The following FYB1 variants were observed in gnomAD, a reference collection of about 807,000 sequenced individuals.
FYB1 encodes the protein FYN binding protein 1, also known as FYN-binding protein 1.
FYB1 carries 41 observed loss-of-function variants against 94.1 expected under a neutral mutation model. The observed-to-expected ratio is 0.44, with a 90% confidence interval of 0.34 to 0.57. FYB1 has a LOEUF of 0.57. Among genes scored for constraint, FYB1 ranks in the 20% least tolerant of loss-of-function variants. FYB1 has a pLI of 0.02. For synonymous variants in FYB1, 367 were observed against 353.2 expected (o/e 1.04, Z -0.44); for missense variants, 1,050 against 976.8 (o/e 1.07, Z -1.00).
At chr5:39,247,647 A>G (rs923116390) in intron 1 of FYB1, among the ~76,000 whole-genome samples, 1 of 152,080 alleles carries the variant, frequency 6.6e-6, no homozygotes, top group African/African-American at 2.4e-5. Context: ...TACCCCATAC[A>G]TATATTTATA....
At chr5:39,240,314 T>C (rs560687128) in intron 1 of FYB1, among the ~76,000 whole-genome samples, 7 of 152,026 alleles carry the variant, frequency 4.6e-5, no homozygotes, top group Non-Finnish European at 8.8e-5. Context: ...AAACCAAAAA[T>C]TGACAAATGG....
At chr5:39,203,871 T>C (rs969368621) in intron 1 of FYB1, among the ~76,000 whole-genome samples, 4 of 152,212 alleles carry the variant, frequency 2.6e-5, no homozygotes, top group Non-Finnish European at 5.9e-5. Flanking sequence ...TTCATTTTTC[T>C]CTGTGAATGT....
intron 1 of FYB1, chr5:39,269,816 G>T (rs531519074): frequency 6.6e-6 from 1 of 152,164 alleles, no homozygotes; most frequent in South Asian, 2.1e-4. Context: ...CAGTCTTCTG[G>T]GGGCTGGGGA....
intron 2 of FYB1, among the ~76,000 whole-genome samples, chr5:39,186,086 C>A (rs1642435010): frequency 6.6e-6 from 1 of 152,060 alleles, no homozygotes; most frequent in Non-Finnish European, 1.5e-5. Context: ...AAGCGGGCTG[C>A]ACAAACAGAA....
At chr5:39,167,408 G>T (rs1744839280) in intron 2 of FYB1, among the ~76,000 whole-genome samples, 1 of 152,068 alleles carries the variant, frequency 6.6e-6, no homozygotes, top group Non-Finnish European at 1.5e-5. Flanking sequence ...ACTCCTCCTT[G>T]CCCTCTCTTT....
chr5:39,270,136 G>T (rs1238610617), intron 1 of FYB1, among the ~76,000 whole-genome samples: 4 of 152,058 alleles, frequency 2.6e-5, no homozygotes, highest in Non-Finnish European at 5.9e-5. Flanking sequence ...TCAAACAAAA[G>T]AGGTCCCTTT....
At chr5:39,257,049 T>C (rs1052869608) in intron 1 of FYB1, among the ~76,000 whole-genome samples, 13 of 152,226 alleles carry the variant, frequency 8.5e-5, no homozygotes, top group African/African-American at 3.1e-4. Flanking sequence ...ATATCTGTTA[T>C]AGATCAGATT....
chr5:39,122,011 C>T (rs1260384404), intron 14 of FYB1, among the ~76,000 whole-genome samples: 1 of 151,836 alleles, frequency 6.6e-6, no homozygotes, highest in Non-Finnish European at 1.5e-5. Flanking sequence ...ACATATTTCC[C>T]CAGTGAATGA....
Position 39,219,479 on chromosome 5 carries a change from T to G in FYB1, c.-64A>C, listed in dbSNP as rs886641494. ...AGAAGAAGGCGGAAGGATGGCCTCC[T>G]TTAGTGGATCTTCCTGGGCCAGGGT... On this transcript the variant is annotated 5_prime_UTR_variant, in exon 1 of 19. Transcript: ENST00000512982. The G allele has an allele frequency of 2.8e-5, 28 of 985,424 alleles. No homozygotes were observed. The highest frequency in any genetic ancestry group is 3.1e-5 in the Non-Finnish European group (26 of 829,956). 61.0% of individuals were successfully genotyped at this position (985,424 alleles called of 1,614,324 possible).
At chr5:39,173,465 T>A (rs890783639) in intron 2 of FYB1, among the ~76,000 whole-genome samples, 1 of 152,184 alleles carries the variant, frequency 6.6e-6, no homozygotes, top group Non-Finnish European at 1.5e-5. Flanking sequence ...TTTTTGTTAC[T>A]GCTGCAATTG....
At chr5:39,199,101 T>C (rs989669499) in intron 2 of FYB1, among the ~76,000 whole-genome samples, 5 of 151,556 alleles carry the variant, frequency 3.3e-5, no homozygotes, top group African/African-American at 4.8e-5. Flanking sequence ...TATACGTATA[T>C]GTATATTATT....
intron 1 of FYB1, among the ~76,000 whole-genome samples, chr5:39,206,737 C>T (rs1748891460): frequency 6.6e-6 from 1 of 152,186 alleles, no homozygotes; most frequent in South Asian, 2.1e-4. Flanking sequence ...TTCCCTAGTT[C>T]TCTCTAGAGG....
chr5:39,258,704 T>C (rs1462963704), intron 1 of FYB1, among the ~76,000 whole-genome samples: 1 of 152,162 alleles, frequency 6.6e-6, no homozygotes, highest in African/African-American at 2.4e-5. Context: ...AATCAACTTC[T>C]GGTTAGTAAA....
intron 2 of FYB1, among the ~76,000 whole-genome samples, chr5:39,199,924 T>C (rs1318230433): frequency 1.3e-5 from 2 of 152,256 alleles, no homozygotes; most frequent in Non-Finnish European, 2.9e-5. Flanking sequence ...TTTAAAGTTA[T>C]GAATCAGATT....
At chr5:39,272,461 G>T (rs1041666489) in intron 1 of FYB1, among the ~76,000 whole-genome samples, 3 of 151,282 alleles carry the variant, frequency 2.0e-5, no homozygotes, top group Non-Finnish European at 4.4e-5. Flanking sequence ...TCAGGAGATC[G>T]AAACCATCCT....
At chr5:39,145,771 C>T (rs1227532934) in intron 3 of FYB1, among the ~76,000 whole-genome samples, 3 of 152,086 alleles carry the variant, frequency 2.0e-5, no homozygotes, top group Admixed American at 6.5e-5. Context: ...TATCTTCTCA[C>T]ATATTAACAG....
intron 1 of FYB1, among the ~76,000 whole-genome samples, chr5:39,260,687 ATAG>A (rs1752174125): frequency 1.3e-5 from 2 of 152,194 alleles, no homozygotes; most frequent in South Asian, 4.1e-4. Flanking sequence ...TAGAATATTT[ATAG>A]TCAGCTCAAC....
chr5:39,133,812 A>G (rs1191597381), intron 9 of FYB1, among the ~76,000 whole-genome samples: 4 of 151,872 alleles, frequency 2.6e-5, no homozygotes, highest in African/African-American at 9.7e-5. Flanking sequence ...TTCAAAAAAT[A>G]ACAACAAATA....
At position 39,202,865 on chromosome 5, in the gene FYB1, T is replaced by A; in HGVS notation, c.96A>T (p.Ile32=). The A allele has an allele frequency of 1.2e-6, 2 of 1,613,998 alleles. No individual in the cohort carries two copies. Among genetic ancestry groups the A allele is most frequent in the East Asian group, 4.5e-5 (2 of 44,874 alleles). Residue 32 remains isoleucine (I), a synonymous_variant, in exon 2 of 19, where the codon ATA becomes ATT. Coordinates refer to ENST00000512982, the MANE Select transcript of FYB1 (RefSeq NM_001465.6). Reference sequence around the variant, plus strand: ...TGTTGAATAAGTTCTTTCTTGCTTGTATTCCTGAAGATGAGTTTGGCCCTG... The same window carrying A: ...TGTTGAATAAGTTCTTTCTTGCTTGAATTCCTGAAGATGAGTTTGGCCCTG... ...RVTGPNSSSG[I]QARKNLFNNQ...
Sources: gnomAD v4.1 joint callset for allele counts (sites outside exome capture counted in the v4.1 genomes callset) on GRCh38, gnomAD v4.1.1 for gene constraint, MANE v1.5 for transcripts, NCBI Gene and HGNC (gene_info 2026-07-23, HGNC 2026-07-21) for gene names.